C14orf132: variants seen among roughly 807,000 people sequenced by gnomAD.
The protein encoded by C14orf132 is uncharacterized protein C14orf132.
Under a neutral mutation model 5.8 loss-of-function variants are expected in C14orf132, and 6 were observed. The observed-to-expected ratio is 1.03, with a 90% CI of 0.57 to 2.04. The LOEUF (loss-of-function observed/expected upper bound fraction) is 2.04. Ranked by LOEUF, C14orf132 falls within the 30% of genes most tolerant of loss-of-function variation. The pLI is 0.00. For synonymous variants in C14orf132, 51 were observed against 49.8 expected (o/e 1.02, Z -0.10); for missense variants, 125 against 115.8 (o/e 1.08, Z -0.37).
intron 1 of C14orf132, among the ~76,000 whole-genome samples, chr14:96,081,801 T>G (rs1189224305): frequency 6.6e-6 from 1 of 152,170 alleles, no homozygotes; most frequent in African/African-American, 2.4e-5. Context: ...AGTCTCACTA[T>G]GTTACCCGGA....
chr14:96,054,869 T>C (rs185862752), intron 1 of C14orf132, among the ~76,000 whole-genome samples: 28 of 152,338 alleles, frequency 1.8e-4, no homozygotes, highest in Non-Finnish European at 3.7e-4. Context: ...CATTCACTAA[T>C]GTGGCCAGTG....
At chr14:96,079,263 A>T (rs966537470) in intron 1 of C14orf132, among the ~76,000 whole-genome samples, 1 of 152,164 alleles carries the variant, frequency 6.6e-6, no homozygotes, top group African/African-American at 2.4e-5. Context: ...CATTTTACAG[A>T]TAAGGAAGCT....
chr14:96,076,616 GAA>G (rs35206197), intron 1 of C14orf132, among the ~76,000 whole-genome samples: 2 of 150,868 alleles, frequency 1.3e-5, no homozygotes, highest in East Asian at 1.9e-4. Flanking sequence ...TAGCTGATGA[GAA>G]AAAAAAAATG....
At chr14:96,075,591 G>C (rs148384523) in intron 1 of C14orf132, among the ~76,000 whole-genome samples, 1 of 152,244 alleles carries the variant, frequency 6.6e-6, no homozygotes, top group African/African-American at 2.4e-5. Context: ...ATCAGATCCA[G>C]GAAGTTCCCT....
chr14:96,057,701 G>A (rs1054297173), intron 1 of C14orf132, among the ~76,000 whole-genome samples: 24 of 152,124 alleles, frequency 1.6e-4, no homozygotes, highest in Admixed American at 1.6e-3. Context: ...GATGTCTATT[G>A]GTCCTTGGAA....
chr14:96,093,496 T>A lies in C14orf132; in HGVS notation c.*6761T>A, dbSNP rs1302536964. ...CTGCCAGTTGAAGGCATACTAATAT[T>A]CTTTATACTATTTAATCTTTTGCAG... On this transcript the variant is annotated 3_prime_UTR_variant, in exon 2 of 2. Transcript: ENST00000555004. 6.6e-6 allele frequency: 1 copy of A among 152,230 alleles called. No individual in the cohort carries two copies. The highest frequency in any genetic ancestry group is 2.4e-5 in the African/African-American group (1 of 41,464). 9.4% of individuals were successfully genotyped at this position (152,230 alleles called of 1,614,324 possible).
chr14:96,086,368 CA>C (rs1259671767), intron 1 of C14orf132, 142 bp from the exon 2 acceptor site: 2 of 709,310 alleles, frequency 2.8e-6, no homozygotes, highest in African/African-American at 1.8e-5. Context: ...ATGATAAAAC[CA>C]CAAAAGCAAA....
At chr14:96,046,561 A>G (rs1202132464) in intron 1 of C14orf132, among the ~76,000 whole-genome samples, 1 of 152,258 alleles carries the variant, frequency 6.6e-6, no homozygotes, top group Non-Finnish European at 1.5e-5. Context: ...GGGAGATCCA[A>G]GTAGGTTTCC....
rs1170436447 is a variant in C14orf132 at position 96,086,507 on chromosome 14, G to A, written c.28-4G>A. The stretch of plus-strand genomic sequence containing the variant: ...TGGATAATTCTCTCTCTCCTTCTTT[G>A]CAGCTGCCCATGATGGGGGGAGCTT... On this transcript the variant is annotated splice_polypyrimidine_tract_variant and splice_region_variant and intron_variant, in intron 1 of 1. Coordinates refer to ENST00000555004, the MANE Select transcript of C14orf132 (RefSeq NM_001252507.3). 15 of 1,535,940 alleles carry A rather than the reference G, an allele frequency of 9.8e-6. No individual in the cohort carries two copies. In the South Asian group the frequency reaches 1.3e-4, roughly 13 times the overall value.
chr14:96,073,344 G>T (rs28832710), intron 1 of C14orf132, among the ~76,000 whole-genome samples: 4,579 of 152,094 alleles, frequency 0.03, 225 homozygotes, highest in African/African-American at 0.1. Context: ...AAACTGGGTT[G>T]TTTTCCAGCC....
chr14:96,059,800 C>T (rs1259196677), intron 1 of C14orf132, among the ~76,000 whole-genome samples: 2 of 152,228 alleles, frequency 1.3e-5, no homozygotes, highest in Non-Finnish European at 2.9e-5. Flanking sequence ...TGTTTCCTTT[C>T]TTCACTCTTG....
intron 1 of C14orf132, among the ~76,000 whole-genome samples, chr14:96,052,036 C>G (rs1418575726): frequency 6.6e-6 from 1 of 152,264 alleles, no homozygotes; most frequent in East Asian, 1.9e-4. Flanking sequence ...ACACATTCAG[C>G]ATGCCCATTT....
intron 1 of C14orf132, among the ~76,000 whole-genome samples, chr14:96,073,422 A>T (rs1595185418): frequency 1.3e-5 from 2 of 152,356 alleles, no homozygotes; most frequent in Middle Eastern, 6.8e-3. Context: ...TGGCCAAGAA[A>T]CCTATGAAAA....
intron 1 of C14orf132, among the ~76,000 whole-genome samples, chr14:96,076,727 G>C (rs1428279258): frequency 6.6e-6 from 1 of 152,212 alleles, no homozygotes; most frequent in African/African-American, 2.4e-5. Flanking sequence ...GGTTGGACAA[G>C]GTTGGTTTAG....
At chr14:96,057,883 G>A (rs190495611) in intron 1 of C14orf132, among the ~76,000 whole-genome samples, 1 of 152,238 alleles carries the variant, frequency 6.6e-6, no homozygotes, top group East Asian at 1.9e-4. Flanking sequence ...ACGTCTCTTG[G>A]TTCCTGTCGC....
intron 1 of C14orf132, among the ~76,000 whole-genome samples, chr14:96,045,797 G>A (rs1232375374): frequency 2.6e-5 from 4 of 152,210 alleles, no homozygotes; most frequent in Non-Finnish European, 5.9e-5. Context: ...TTACTTAATG[G>A]CTTAAAGCAA....
At chr14:96,068,190 C>A (rs567025532) in intron 1 of C14orf132, among the ~76,000 whole-genome samples, 80 of 152,198 alleles carry the variant, frequency 5.3e-4, no homozygotes, top group Non-Finnish European at 8.8e-4. Context: ...CACAGAAAGG[C>A]TCGGTAGCTC....
rs1484481222 is a variant in C14orf132, at chr14:96,092,643, AG to A, written c.*5911del. The A allele has an allele frequency of 6.6e-6, 1 of 152,220 alleles. No homozygotes were observed. Among genetic ancestry groups the A allele is most frequent in the African/African-American group, 2.4e-5 (1 of 41,460 alleles). The allele number at this position is 152,220 out of a possible 1,614,324, so 9.4% of individuals were successfully genotyped here. A position where few individuals can be genotyped will look rare whatever the true frequency, so the allele number is the denominator to read the frequency against. ...GACAAGGGCTCTATATGCTGGCAGA[AG>A]GGAGCTTCCAACCTTTTAACTTGAG... On this transcript the variant is annotated 3_prime_UTR_variant, in exon 2 of 2. Transcript: ENST00000555004.
intron 1 of C14orf132, among the ~76,000 whole-genome samples, chr14:96,074,392 T>G (rs1887799078): frequency 6.6e-6 from 1 of 152,204 alleles, no homozygotes; most frequent in Non-Finnish European, 1.5e-5. Flanking sequence ...TGCAGTGTTT[T>G]CTTGTATGGA....
Sources: gnomAD v4.1 joint callset for allele counts (sites outside exome capture counted in the v4.1 genomes callset) on GRCh38, gnomAD v4.1.1 for gene constraint, MANE v1.5 for transcripts, NCBI Gene and HGNC (gene_info 2026-07-23, HGNC 2026-07-21) for gene names.